FERMT2: variants seen among roughly 807,000 people sequenced by gnomAD.
FERMT2 encodes FERM domain containing kindlin 2.
In FERMT2, 15 loss-of-function variants were observed where a neutral mutation model predicts 82.7. The observed-to-expected ratio is 0.18, with a 90% CI of 0.12 to 0.28. FERMT2 has a LOEUF of 0.28. Ranked by LOEUF, FERMT2 falls within the 10% of genes least tolerant of loss-of-function variation. The pLI is 1.00. For missense variants in FERMT2, 645 were observed against 809.4 expected (o/e 0.80, Z 2.46); for synonymous variants, 274 against 271.5 (o/e 1.01, Z -0.09).
Position 52,919,204 on chromosome 14 carries a change from G to C in FERMT2, c.310C>G (p.Pro104Ala). The part of the protein sequence containing the change: ...PQHKLLRLQL[P>A]NMKYVKVKVN... ...TTCACCTTCACATACTTCATGTTGG[G>C]AAGCTGCAGGCGGAGCAGTTTGTGC... The change falls in exon 3 of 15, where the codon CCC becomes GCC. Residue 104 changes from proline (P) to alanine (A), a missense_variant. By Grantham distance (27) the Pro-to-Ala change is conservative. Coordinates refer to ENST00000341590, the MANE Select transcript of FERMT2 (RefSeq NM_006832.3). 1 of 1,614,090 alleles carries C rather than the reference G, an allele frequency of 6.2e-7. No homozygotes were observed. The highest frequency in any genetic ancestry group is 8.5e-7 in the Non-Finnish European group (1 of 1,179,994).
At chr14:52,917,287 T>TGG (rs1291291581) in intron 3 of FERMT2, among the ~76,000 whole-genome samples, 2 of 152,214 alleles carry the variant, frequency 1.3e-5, no homozygotes, top group East Asian at 3.9e-4. Flanking sequence ...TGTGTGTGTG[T>TGG]GTGTGTGTAT....
At chr14:52,894,545 C>T (rs1887142554) in intron 3 of FERMT2, among the ~76,000 whole-genome samples, 1 of 152,128 alleles carries the variant, frequency 6.6e-6, no homozygotes, top group Non-Finnish European at 1.5e-5. Flanking sequence ...AATCAAGACA[C>T]TGAACTTACT....
rs530915392 is a variant in FERMT2 at position 52,943,143 on chromosome 14, G to C, written c.157+7269C>G. Among the ~76,000 whole-genome samples, 33 of 143,896 alleles carry C rather than the reference G, an allele frequency of 2.3e-4. 2 individuals are homozygous for C. The South Asian group carries it at 7.2e-3, about 32-fold the overall frequency. 94.4% of individuals were successfully genotyped at this position (143,896 alleles called of 152,430 possible). ...GAATCACTTGAACTTGGGAGGCGGA[G>C]GTTGCAGTGGACTGAAATCGTGCCA... is the stretch of plus-strand genomic sequence containing the variant. On this transcript the variant is annotated intron_variant, in intron 2 of 14. Transcript: ENST00000341590.
intron 2 of FERMT2, among the ~76,000 whole-genome samples, chr14:52,949,280 T>A (rs181408800): frequency 8.6e-5 from 13 of 151,894 alleles, no homozygotes; most frequent in Admixed American, 6.6e-4. Context: ...GCTATTTCAG[T>A]ACCTTTACAT....
At chr14:52,862,111 C>T (rs1403699823) in intron 12 of FERMT2, 1 of 152,208 alleles carries the variant, frequency 6.6e-6, no homozygotes, top group Non-Finnish European at 1.5e-5. Context: ...GTCACCCAGG[C>T]TGGAGTGCAA....
Position 52,874,266 on chromosome 14 carries a change from T to C in FERMT2, c.1099-40A>G, listed in dbSNP as rs373816919. ...AATCCTTTTTTAATTTTTTTAATAT[T>C]TGAAATTCTTTCTAATGTTTGGTAT... On this transcript the variant is annotated intron_variant, in intron 8 of 14. Coordinates refer to ENST00000341590, the MANE Select transcript of FERMT2 (RefSeq NM_006832.3). The C allele has an allele frequency of 5.8e-4, 768 of 1,335,462 alleles. 6 individuals carry two copies. The South Asian group carries it at 0.01, about 17-fold the overall frequency. The allele number at this position is 1,335,462 out of a possible 1,614,324, so 82.7% of individuals were successfully genotyped here.
At chr14:52,896,773 T>A (rs895336187) in intron 3 of FERMT2, among the ~76,000 whole-genome samples, 4 of 152,120 alleles carry the variant, frequency 2.6e-5, no homozygotes, top group Non-Finnish European at 5.9e-5. Flanking sequence ...GAGAACTGCT[T>A]GAGCTCAGGA....
intron 4 of FERMT2, among the ~76,000 whole-genome samples, chr14:52,883,966 A>G (rs888720220): frequency 3.9e-5 from 6 of 152,160 alleles, no homozygotes; most frequent in Non-Finnish European, 8.8e-5. Context: ...CTTCCTGGAC[A>G]GCCTGCAGAA....
chr14:52,927,619 A>AG lies in FERMT2; in HGVS notation c.158-8264_158-8263insC, dbSNP rs1404032296. On this transcript the variant is annotated intron_variant, in intron 2 of 14. Coordinates refer to ENST00000341590, the MANE Select transcript of FERMT2 (RefSeq NM_006832.3). Reference sequence around the variant, plus strand: ...AAAAAAAAAAAAAAAAAAAAAAAAAAAAAATCCAGGCATGGTGGCCTGTGC... The same window carrying AG: ...AAAAAAAAAAAAAAAAAAAAAAAAAAGAAAATCCAGGCATGGTGGCCTGTGC... Among the ~76,000 whole-genome samples the AG allele has an allele frequency of 3.4e-5, 5 of 148,988 alleles. No homozygotes were observed. In the East Asian group the frequency reaches 1.0e-3, roughly 30 times the overall value.
In FERMT2 at chr14:52,904,762, GAAAA is replaced by G. The variant is rs77691267; in HGVS notation, c.392-11339_392-11336del. ...TGAGACCTAATCTCTAAAAGGAGGA[GAAAA>G]AAAAAAAAAGGCATACGAGACAGGA... On this transcript the variant is annotated intron_variant, in intron 3 of 14. Transcript: ENST00000341590. 4.4e-5 allele frequency among the ~76,000 whole-genome samples: 5 copies of G among 113,328 alleles called. No individual in the cohort carries two copies. The Admixed American group carries it at 4.7e-4, about 11-fold the overall frequency. The allele number at this position is 113,328 out of a possible 152,430, so 74.3% of individuals were successfully genotyped here. A position where few individuals can be genotyped will look rare whatever the true frequency, so the allele number is the denominator to read the frequency against.
intron 4 of FERMT2, among the ~76,000 whole-genome samples, chr14:52,882,846 G>A (rs1886370080): frequency 6.6e-6 from 1 of 152,102 alleles, no homozygotes; most frequent in Non-Finnish European, 1.5e-5. Flanking sequence ...GCTGGACACA[G>A]GATATTTGAT....
At chr14:52,900,662 C>G (rs1466433673) in intron 3 of FERMT2, among the ~76,000 whole-genome samples, 1 of 151,980 alleles carries the variant, frequency 6.6e-6, no homozygotes. Context: ...GAAGGAGGTA[C>G]CAATGGGTAA....
At position 52,858,207 on chromosome 14, in the gene FERMT2, A is replaced by T. The variant is rs1884687861; in HGVS notation, c.*170T>A. 5.1e-6 allele frequency: 3 copies of T among 590,362 alleles called. No individual in the cohort carries two copies. Among genetic ancestry groups the T allele is most frequent in the African/African-American group, 1.9e-5 (1 of 53,780 alleles). The allele number at this position is 590,362 out of a possible 1,614,324, so 36.6% of individuals were successfully genotyped here. ...AGTTTATTATATCATAACATGATAG[A>T]TTAATAGTCGTGCTTGTTTAGTGCA... On this transcript the variant is annotated 3_prime_UTR_variant, in exon 15 of 15. Transcript: ENST00000341590.
At chr14:52,943,442 G>A (rs1890187209) in intron 2 of FERMT2, among the ~76,000 whole-genome samples, 1 of 152,008 alleles carries the variant, frequency 6.6e-6, no homozygotes, top group Non-Finnish European at 1.5e-5. Context: ...TATATCAAAG[G>A]AGATTAAGAG....
At chr14:52,916,707 G>A (rs1393719452) in intron 3 of FERMT2, among the ~76,000 whole-genome samples, 2 of 152,138 alleles carry the variant, frequency 1.3e-5, no homozygotes, top group African/African-American at 4.8e-5. Flanking sequence ...GGTATGTCAA[G>A]GTAGGTTCAC....
intron 2 of FERMT2, among the ~76,000 whole-genome samples, chr14:52,924,525 T>C (rs1433524873): frequency 1.3e-5 from 2 of 152,144 alleles, no homozygotes; most frequent in Non-Finnish European, 2.9e-5. Flanking sequence ...CAGTAGTCAC[T>C]TGTTTCAAAA....
chr14:52,907,469 T>C (rs184618645), intron 3 of FERMT2, among the ~76,000 whole-genome samples: 10 of 152,280 alleles, frequency 6.6e-5, no homozygotes, highest in Admixed American at 6.5e-4. Flanking sequence ...AAATACGTGA[T>C]ATGAAAAACC....
intron 2 of FERMT2, among the ~76,000 whole-genome samples, chr14:52,937,339 A>G (rs1270316797): frequency 1.3e-5 from 2 of 152,172 alleles, no homozygotes; most frequent in African/African-American, 4.8e-5. Flanking sequence ...GAATAACAGA[A>G]TATCGTTTCA....
intron 2 of FERMT2, among the ~76,000 whole-genome samples, chr14:52,940,762 A>G (rs1890053756): frequency 6.6e-6 from 1 of 152,192 alleles, no homozygotes; most frequent in African/African-American, 2.4e-5. Context: ...GCAAATTAAA[A>G]TCACAATGAG....
Sources: allele counts gnomAD v4.1 joint callset (sites outside exome capture counted in the v4.1 genomes callset), GRCh38; gene constraint gnomAD v4.1.1; transcripts MANE v1.5; gene names NCBI Gene and HGNC (gene_info 2026-07-23, HGNC 2026-07-21).